Variants in PCDH15 observed in about 807,000 individuals in gnomAD.
PCDH15 encodes the protein protocadherin-15.
In PCDH15, 129 loss-of-function variants were observed where a neutral mutation model predicts 178.5. The observed-to-expected ratio is 0.72, with a 90% CI of 0.63 to 0.84. PCDH15 has a LOEUF of 0.84. Among genes scored for constraint, PCDH15 ranks in the 40% least tolerant of loss-of-function variants. The pLI, the probability that PCDH15 is intolerant of heterozygous loss-of-function variation, is 0.00. For synonymous variants in PCDH15, 800 were observed against 732.0 expected, an observed-to-expected ratio of 1.09 and a Z score of -1.50; for missense variants, 2,230 against 2,099.9, an observed-to-expected ratio of 1.06 and a Z score of -1.21.
intron 2 of PCDH15, among the ~76,000 whole-genome samples, chr10:55,436,719 T>C (rs1180163868): frequency 6.6e-6 from 1 of 152,202 alleles, no homozygotes; most frequent in African/African-American, 2.4e-5. Context: ...AAAGAGAATG[T>C]ATTTATTAAG....
intron 1 of PCDH15, among the ~76,000 whole-genome samples, chr10:55,305,865 C>G (rs1219171736): frequency 6.6e-6 from 1 of 152,082 alleles, no homozygotes; most frequent in Non-Finnish European, 1.5e-5. Flanking sequence ...ATCTACCATG[C>G]CTACCTTCCT....
chr10:53,834,209 T>C (rs1386459115), intron 29 of PCDH15, among the ~76,000 whole-genome samples: 1 of 152,098 alleles, frequency 6.6e-6, no homozygotes, highest in Non-Finnish European at 1.5e-5. Context: ...GGGACAATTC[T>C]CACGAGAGAA....
intron 31 of PCDH15, 138 bp from the exon 32 acceptor site, chr10:53,827,686 A>AGAT (rs918459545): frequency 8.8e-6 from 9 of 1,020,690 alleles, no homozygotes; most frequent in South Asian, 4.2e-5. Context: ...ATTTATAAAC[A>AGAT]GATGTAATTA....
At chr10:54,237,329 A>T (rs529568589) in intron 8 of PCDH15, among the ~76,000 whole-genome samples, 75 of 152,166 alleles carry the variant, frequency 4.9e-4, no homozygotes, top group African/African-American at 1.7e-3. Context: ...TTCCTTGCTA[A>T]ATCATTTTTT....
intron 2 of PCDH15, among the ~76,000 whole-genome samples, chr10:55,101,452 C>T (rs1842574862): frequency 6.6e-6 from 1 of 150,986 alleles, no homozygotes; most frequent in Non-Finnish European, 1.5e-5. Context: ...AATATTGTTC[C>T]TCCACAGCCA....
intron 6 of PCDH15, among the ~76,000 whole-genome samples, chr10:54,345,823 A>AT (rs1943165238): frequency 6.9e-6 from 1 of 144,230 alleles, no homozygotes; most frequent in African/African-American, 2.8e-5. Flanking sequence ...AAAAAAAAAA[A>AT]AAAAAAAAAA....
chr10:55,172,469 A>G (rs917392391), intron 1 of PCDH15, among the ~76,000 whole-genome samples: 3 of 115,128 alleles, frequency 2.6e-5, no homozygotes, highest in African/African-American at 9.1e-5. Flanking sequence ...TTAATAAATG[A>G]CTTTTGAGAA....
At chr10:55,378,982 T>C (rs16907304) in intron 2 of PCDH15, among the ~76,000 whole-genome samples, 14,661 of 151,720 alleles carry the variant, frequency 0.097, 812 homozygotes, top group East Asian at 0.22. Flanking sequence ...TCATAGTCCA[T>C]ACAACCTTTA....
intron 2 of PCDH15, among the ~76,000 whole-genome samples, chr10:55,461,646 G>C (rs546079689): frequency 6.6e-6 from 1 of 151,954 alleles, no homozygotes; most frequent in African/African-American, 2.4e-5. Flanking sequence ...CCAGATATAA[G>C]GTCAAGTTTT....
chr10:54,922,567 T>C (rs1477998330), intron 2 of PCDH15, among the ~76,000 whole-genome samples: 2 of 152,076 alleles, frequency 1.3e-5, no homozygotes, highest in African/African-American at 4.8e-5. Context: ...TGGGAAGACA[T>C]GATTGTGTTT....
intron 20 of PCDH15, among the ~76,000 whole-genome samples, chr10:54,019,482 A>G (rs1006886923): frequency 5.9e-5 from 9 of 152,112 alleles, no homozygotes; most frequent in African/African-American, 1.4e-4. Flanking sequence ...GAGAAATCTG[A>G]AAGTTTAAGA....
At chr10:55,252,395 T>G (rs1016453722) in intron 1 of PCDH15, among the ~76,000 whole-genome samples, 3 of 152,112 alleles carry the variant, frequency 2.0e-5, no homozygotes, top group Non-Finnish European at 2.9e-5. Flanking sequence ...AAAGAGGTTA[T>G]TAAAAAATGG....
intron 32 of PCDH15, chr10:53,821,140 G>GAAAGC (rs2076247912): frequency 1.0e-6 from 1 of 978,382 alleles, no homozygotes; most frequent in Middle Eastern, 5.2e-4. Context: ...GAAGGGAAGG[G>GAAAGC]AAAGCACAAT....
intron 2 of PCDH15, among the ~76,000 whole-genome samples, chr10:54,590,709 C>A (rs539807380): frequency 2.6e-5 from 4 of 152,026 alleles, no homozygotes; most frequent in African/African-American, 7.2e-5. Flanking sequence ...GAGAGAAGAG[C>A]AGAGTAAAAG....
chr10:54,020,230 T>C lies in PCDH15; in HGVS notation c.2713A>G (p.Met905Val), dbSNP rs747028333. ...GTGACAGTAGCAATACCAGGTGGCATTGTTCCATAAATATCAAAGGCCTCT... is the reference window on the plus strand; with the variant it reads ...GTGACAGTAGCAATACCAGGTGGCACTGTTCCATAAATATCAAAGGCCTCT... ...LVEAFDIYGT[M>V]PPGIATVTVI... Residue 905 changes from methionine to valine, a missense_variant, in exon 20 of 38, where the codon ATG becomes GTG. Coordinates refer to ENST00000644397, the MANE Select transcript of PCDH15 (RefSeq NM_001384140.1). The C allele has an allele frequency of 1.2e-5, 19 of 1,613,620 alleles. No individual in the cohort carries two copies. Among genetic ancestry groups the C allele is most frequent in the Admixed American group, 6.7e-5 (4 of 59,928 alleles).
At chr10:54,314,246 T>C (rs1329317862) in intron 8 of PCDH15, among the ~76,000 whole-genome samples, 2 of 152,044 alleles carry the variant, frequency 1.3e-5, no homozygotes, top group East Asian at 1.9e-4. Context: ...AGCATATTTG[T>C]TTTTTCACTG....
At chr10:54,932,149 TG>T (rs1837794470) in intron 2 of PCDH15, among the ~76,000 whole-genome samples, 1 of 152,204 alleles carries the variant, frequency 6.6e-6, no homozygotes, top group Admixed American at 6.6e-5. Flanking sequence ...AAAAGTTAAC[TG>T]TAAAATAGGC....
chr10:55,358,945 G>A (rs1420837013), intron 2 of PCDH15, among the ~76,000 whole-genome samples: 2 of 151,988 alleles, frequency 1.3e-5, no homozygotes, highest in East Asian at 1.9e-4. Context: ...TAGTCCCAGC[G>A]CTTTAAGAGG....
At chr10:53,824,613 T>C (rs949247018) in intron 32 of PCDH15, among the ~76,000 whole-genome samples, 2 of 152,026 alleles carry the variant, frequency 1.3e-5, no homozygotes, top group African/African-American at 4.8e-5. Context: ...ATTCAGACAA[T>C]CTGGACTAAT....
Sources: gnomAD v4.1 joint callset for allele counts (sites outside exome capture counted in the v4.1 genomes callset) on GRCh38, gnomAD v4.1.1 for gene constraint, MANE v1.5 for transcripts, NCBI Gene and HGNC (gene_info 2026-07-23, HGNC 2026-07-21) for gene names.